Variants in SCMH1 observed in about 807,000 individuals in gnomAD.
SCMH1 encodes polycomb protein SCMH1.
A neutral mutation model predicts 70.8 loss-of-function variants in SCMH1; 37 were observed. The ratio of observed to expected loss-of-function variants is 0.52; its 90% confidence interval spans 0.40 to 0.69. The LOEUF (loss-of-function observed/expected upper bound fraction) is 0.69, where lower values mean the gene tolerates loss of function less well. Among genes scored for constraint, SCMH1 ranks in the 30% least tolerant of loss-of-function variants. SCMH1 has a pLI of 0.00. For missense variants in SCMH1, 607 were observed against 827.3 expected (o/e 0.73, Z 3.27); for synonymous variants, 292 against 307.4 (o/e 0.95, Z 0.52).
upstream of SCMH1, chr1:41,242,241 T>TCCCCCGGCCCCTC (rs1553192374): frequency 1.9e-5 from 2 of 107,068 alleles, no homozygotes; most frequent in Non-Finnish European, 3.9e-5. The surrounding 1 kb of genome is among the most constrained non-coding windows in gnomAD (Gnocchi z 5.2). Context: ...GGGCGGGGGC[T>TCCCCCGGCCCCTC]CCCCCGGCCC....
chr1:41,186,124 T>G (rs754791913), exon 2 of SCMH1: 1 of 1,542,444 alleles, frequency 6.5e-7, no homozygotes, highest in Non-Finnish European at 8.8e-7. Context: ...TACTTACCAT[T>G]AGGCTGCATA....
At chr1:41,166,929 T>C (rs78124119) in intron 2 of SCMH1, among the ~76,000 whole-genome samples, 24,737 of 152,104 alleles carry the variant, frequency 0.16, 2,342 homozygotes, top group Non-Finnish European at 0.21. Flanking sequence ...CTAGGTCTTA[T>C]AGGAAAAGCC....
chr1:41,142,994 C>A, exon 6 of SCMH1: 3 of 1,614,120 alleles, frequency 1.9e-6, no homozygotes, highest in Non-Finnish European at 2.5e-6. Flanking sequence ...AAGGCGCAGG[C>A]GAAGGCGGGC....
intron 6 of SCMH1, among the ~76,000 whole-genome samples, chr1:41,123,788 C>T (rs937542197): frequency 2.0e-5 from 3 of 152,236 alleles, no homozygotes; most frequent in Non-Finnish European, 4.4e-5. Flanking sequence ...GAGGACTCCA[C>T]TGCAAAAGAG....
At position 41,113,081 on chromosome 1, in the gene SCMH1, A is replaced by G. The variant is rs1183339870; in HGVS notation, c.745+202T>C. On this transcript the variant is annotated intron_variant, in intron 8 of 14. Coordinates refer to ENST00000337495, the Ensembl canonical transcript of SCMH1. This position sits in a 1 kb window ranked among gnomAD's most constrained non-coding sequence, Gnocchi z 4.3. The stretch of plus-strand genomic sequence containing the variant: ...GAATTATTACTTTATCCCAAATGCC[A>G]TATGCGGTTTCATTTGACACTTAAT... 6.6e-6 allele frequency among the ~76,000 whole-genome samples: 1 copy of G among 152,200 alleles called. No individual in the cohort carries two copies. Among genetic ancestry groups the G allele is most frequent in the African/African-American group, 2.4e-5 (1 of 41,448 alleles).
At chr1:41,077,225 TG>T (rs1174215964) in intron 8 of SCMH1, among the ~76,000 whole-genome samples, 1 of 152,190 alleles carries the variant, frequency 6.6e-6, no homozygotes, top group Non-Finnish European at 1.5e-5. Context: ...TAGCTGATAC[TG>T]TTTTCTTTCC....
intron 1 of SCMH1, among the ~76,000 whole-genome samples, chr1:41,235,193 CTAATA>C (rs1662114509): frequency 1.3e-5 from 2 of 152,118 alleles, no homozygotes; most frequent in Non-Finnish European, 2.9e-5. Flanking sequence ...ATGGTTCACT[CTAATA>C]TTAGTGGTGA....
rs185334701 is a variant in SCMH1, at chr1:41,099,945, G to A, written c.745+13338C>T. ...TAGAAAAGGTGATTAGTTTAATCTAGTACTAAACAGGAGAAAAACAAAAGT... is the reference window on the plus strand; with the variant it reads ...TAGAAAAGGTGATTAGTTTAATCTAATACTAAACAGGAGAAAAACAAAAGT... On this transcript the variant is annotated intron_variant, in intron 8 of 14. Transcript: ENST00000337495. Among the ~76,000 whole-genome samples the A allele has an allele frequency of 1.2e-4, 19 of 152,210 alleles. No individual in the cohort carries two copies. In the East Asian group the frequency reaches 2.5e-3, roughly 20 times the overall value.
At chr1:41,084,611 G>C (rs2148971093) in intron 8 of SCMH1, among the ~76,000 whole-genome samples, 1 of 152,128 alleles carries the variant, frequency 6.6e-6, no homozygotes, top group East Asian at 1.9e-4. Context: ...ATTTGACCCA[G>C]CCATCCCATT....
intron 10 of SCMH1, among the ~76,000 whole-genome samples, chr1:41,060,527 A>G (rs993536368): frequency 6.6e-6 from 1 of 152,190 alleles, no homozygotes; most frequent in Non-Finnish European, 1.5e-5. Flanking sequence ...AGAAACATTA[A>G]AAGAGGTTCT....
intron 2 of SCMH1, among the ~76,000 whole-genome samples, chr1:41,180,466 C>G (rs1230242196): frequency 1.3e-5 from 2 of 150,940 alleles, no homozygotes; most frequent in African/African-American, 4.9e-5. Context: ...CTAGAAAACC[C>G]CATCGTTAAG....
At chr1:41,062,918 CAAAA>C (rs61144004) in intron 10 of SCMH1, among the ~76,000 whole-genome samples, 1 of 109,884 alleles carries the variant, frequency 9.1e-6, no homozygotes. Flanking sequence ...GACTCCATCT[CAAAA>C]AAAAAAAAAA....
At chr1:41,219,892 T>C (rs1052587091) in intron 1 of SCMH1, among the ~76,000 whole-genome samples, 1 of 151,624 alleles carries the variant, frequency 6.6e-6, no homozygotes, top group Non-Finnish European at 1.5e-5. Flanking sequence ...GACTGTGCCA[T>C]TGCATTCCAG....
intron 8 of SCMH1, among the ~76,000 whole-genome samples, chr1:41,094,644 C>T (rs1664580194): frequency 6.6e-6 from 1 of 152,078 alleles, no homozygotes; most frequent in Admixed American, 6.5e-5. Context: ...AATCCCAGCA[C>T]TTTGGGAGGC....
chr1:41,216,920 T>C (rs1459433106), intron 1 of SCMH1, among the ~76,000 whole-genome samples: 2 of 152,176 alleles, frequency 1.3e-5, no homozygotes, highest in Admixed American at 6.5e-5. Flanking sequence ...GGTAGAGTCA[T>C]GCTCTCTCTG....
chr1:41,171,507 A>T (rs1381411199), intron 2 of SCMH1, among the ~76,000 whole-genome samples: 1 of 151,328 alleles, frequency 6.6e-6, no homozygotes, highest in Non-Finnish European at 1.5e-5. Context: ...TTGTGGTAAA[A>T]CCCTGTCTAC....
intron 6 of SCMH1, among the ~76,000 whole-genome samples, chr1:41,125,388 G>A (rs1672938663): frequency 6.6e-6 from 1 of 151,600 alleles, no homozygotes; most frequent in South Asian, 2.1e-4. Flanking sequence ...GATAATTTTT[G>A]TATTTTTTTG....
intron 10 of SCMH1, among the ~76,000 whole-genome samples, chr1:41,062,752 A>G (rs1653164118): frequency 6.7e-6 from 1 of 150,156 alleles, no homozygotes. Context: ...AAAAAAAAAA[A>G]AAAAGAAAAA....
chr1:41,204,138 A>G (rs1388321705), intron 1 of SCMH1, among the ~76,000 whole-genome samples: 1 of 152,308 alleles, frequency 6.6e-6, no homozygotes, highest in East Asian at 1.9e-4. Flanking sequence ...AATTTGCCCA[A>G]GGTTACACAG....
Sources: allele counts gnomAD v4.1 joint callset (sites outside exome capture counted in the v4.1 genomes callset), GRCh38; gene constraint gnomAD v4.1.1; non-coding constraint Gnocchi (gnomAD v3.1); transcripts MANE v1.5; gene names NCBI Gene and HGNC (gene_info 2026-07-23, HGNC 2026-07-21).